Variants in ANO2 observed in about 807,000 individuals in gnomAD.
ANO2 encodes the protein anoctamin 2.
A neutral mutation model predicts 124.2 loss-of-function variants in ANO2; 101 were observed. The ratio of observed to expected loss-of-function variants is 0.81; its 90% CI spans 0.69 to 0.96. The LOEUF is 0.96. Among genes scored for constraint, ANO2 ranks in the 40% least tolerant of loss-of-function variants. The pLI is 0.00. For missense variants in ANO2, 1,293 were observed against 1,274.5 expected, an observed-to-expected ratio of 1.01 and a Z score of -0.22; for synonymous variants, 486 against 482.5, an observed-to-expected ratio of 1.01 and a Z score of -0.09.
rs144809132 is a variant in ANO2 at position 5,776,230 on chromosome 12, A to C, written c.1055+23277T>G. On this transcript the variant is annotated intron_variant, in intron 10 of 24. Transcript: ENST00000682330. Reference sequence around the variant, plus strand: ...ACTTTGTGCACACCCTATCCCATGCAATCTTCCCAACCACTCTTTGTAAAA... The same window carrying C: ...ACTTTGTGCACACCCTATCCCATGCCATCTTCCCAACCACTCTTTGTAAAA... Among the ~76,000 whole-genome samples, 8 of 152,318 alleles carry C rather than the reference A, an allele frequency of 5.3e-5. No homozygotes were observed. The East Asian group carries it at 1.5e-3, about 29-fold the overall frequency.
At position 5,599,549 on chromosome 12, in the gene ANO2, T is replaced by C. The variant is rs767679275; in HGVS notation, c.2168A>G (p.Glu723Gly). The C allele has an allele frequency of 4.3e-6, 7 of 1,613,828 alleles. No homozygotes were observed. The highest frequency in any genetic ancestry group is 5.9e-6 in the Non-Finnish European group (7 of 1,179,868). The change falls in exon 20 of 25, where the codon GAG becomes GGG. Residue 723 changes from glutamate (E) to glycine (G), a missense_variant. Coordinates refer to ENST00000682330, the MANE Select transcript of ANO2 (RefSeq NM_001364791.2). ...ETDSAHSKHP[E>G]QWDLDYSLEP... Reference sequence around the variant, plus strand: ...CAAGCTGTAGTCTAGGTCCCACTGCTCTGGATGTTTCGAATGGGCAGAGTC... The same window carrying C: ...CAAGCTGTAGTCTAGGTCCCACTGCCCTGGATGTTTCGAATGGGCAGAGTC...
chr12:5,747,577 T>G (rs1951305437), intron 11 of ANO2, among the ~76,000 whole-genome samples: 1 of 152,168 alleles, frequency 6.6e-6, no homozygotes, highest in African/African-American at 2.4e-5. Flanking sequence ...ATCCAAAACC[T>G]CAATTTTGTA....
chr12:5,800,140 A>C (rs767810537), intron 9 of ANO2, among the ~76,000 whole-genome samples: 8 of 152,168 alleles, frequency 5.3e-5, no homozygotes, highest in Non-Finnish European at 1.0e-4. Flanking sequence ...GCTGAGACAC[A>C]AAGGAAGGGG....
intron 7 of ANO2, among the ~76,000 whole-genome samples, chr12:5,814,855 C>A (rs901050374): frequency 2.0e-5 from 3 of 152,212 alleles, no homozygotes; most frequent in Non-Finnish European, 2.9e-5. Context: ...GTCAAGAAAC[C>A]TAAGTTCTAA....
At chr12:5,841,400 A>G (rs538746367) in intron 4 of ANO2, among the ~76,000 whole-genome samples, 282 of 152,292 alleles carry the variant, frequency 1.9e-3, no homozygotes, top group African/African-American at 6.6e-3. Context: ...CACTTACACA[A>G]TGCACATTCT....
chr12:5,601,724 G>A (rs1056211401), intron 19 of ANO2, among the ~76,000 whole-genome samples: 1 of 152,202 alleles, frequency 6.6e-6, no homozygotes, highest in African/African-American at 2.4e-5. Context: ...ATCCACTTCT[G>A]AAATGCCACT....
chr12:5,609,997 ATATAAG>A (rs1159922440), intron 19 of ANO2, among the ~76,000 whole-genome samples: 3 of 141,426 alleles, frequency 2.1e-5, no homozygotes, highest in African/African-American at 5.2e-5. Flanking sequence ...ATATATTTAT[ATATAAG>A]TATATTTATC....
intron 7 of ANO2, among the ~76,000 whole-genome samples, chr12:5,827,460 G>C (rs1040400406): frequency 2.0e-5 from 3 of 152,174 alleles, no homozygotes; most frequent in African/African-American, 7.2e-5. Flanking sequence ...GAAAAACAGA[G>C]GAGCCGCAGA....
intron 9 of ANO2, among the ~76,000 whole-genome samples, chr12:5,803,506 T>C (rs1449620696): frequency 6.6e-6 from 1 of 152,042 alleles, no homozygotes; most frequent in African/African-American, 2.4e-5. Flanking sequence ...AAGTTCTACT[T>C]TGGGTTCTCC....
chr12:5,688,152 C>T (rs1418635331), intron 14 of ANO2, among the ~76,000 whole-genome samples: 3 of 152,204 alleles, frequency 2.0e-5, no homozygotes, highest in African/African-American at 7.2e-5. Flanking sequence ...GAAACAACAA[C>T]TGTGATGGAA....
At chr12:5,706,992 A>T (rs534319823) in intron 14 of ANO2, among the ~76,000 whole-genome samples, 1 of 151,954 alleles carries the variant, frequency 6.6e-6, no homozygotes, top group Non-Finnish European at 1.5e-5. Context: ...CAATGACATC[A>T]CTCTGAATCT....
Position 5,705,024 on chromosome 12 carries a change from G to A in ANO2, c.1545+27496C>T, listed in dbSNP as rs376054984. Among the ~76,000 whole-genome samples, 7 of 152,162 alleles carry A rather than the reference G, an allele frequency of 4.6e-5. No individual in the cohort carries two copies. The South Asian group carries it at 6.2e-4, about 14-fold the overall frequency. ...TCACTAACAGATTGTACATTATTAT[G>A]GTTTATCTATATAGTTGGAATCCAA... On this transcript the variant is annotated intron_variant, in intron 14 of 24. Transcript: ENST00000682330.
chr12:5,656,837 C>G (rs957918967), intron 14 of ANO2, among the ~76,000 whole-genome samples: 11 of 152,374 alleles, frequency 7.2e-5, no homozygotes, highest in Non-Finnish European at 1.5e-4. Flanking sequence ...GGCCTAGACA[C>G]TATTAGAATT....
chr12:5,608,563 A>G (rs886091227), intron 19 of ANO2, among the ~76,000 whole-genome samples: 5 of 152,118 alleles, frequency 3.3e-5, no homozygotes, highest in Admixed American at 1.3e-4. Context: ...GACACCTTAC[A>G]TATGATTTTA....
intron 2 of ANO2, 31 bp downstream of exon 2, chr12:5,922,589 T>TGCCCCC (rs1941758858): frequency 5.0e-5 from 72 of 1,449,912 alleles, no homozygotes; most frequent in East Asian, 8.2e-5. Context: ...GGCTGGCCTA[T>TGCCCCC]CCCCCCACCC....
chr12:5,842,364 T>A (rs1954539482), intron 4 of ANO2, among the ~76,000 whole-genome samples: 1 of 152,112 alleles, frequency 6.6e-6, no homozygotes, highest in South Asian at 2.1e-4. Flanking sequence ...TTCCACAGGA[T>A]CTCTTACACA....
At chr12:5,819,886 A>T (rs1325671447) in intron 7 of ANO2, among the ~76,000 whole-genome samples, 2 of 152,200 alleles carry the variant, frequency 1.3e-5, no homozygotes, top group Non-Finnish European at 2.9e-5. Context: ...AGGTGGGTGT[A>T]CCTACTGTAA....
chr12:5,599,834 C>T (rs1759046235), intron 19 of ANO2, among the ~76,000 whole-genome samples: 1 of 152,212 alleles, frequency 6.6e-6, no homozygotes, highest in Admixed American at 6.5e-5. Context: ...TGCAGACTCC[C>T]TCCACAAAGG....
At chr12:5,749,217 A>G (rs1951367111) in intron 11 of ANO2, among the ~76,000 whole-genome samples, 1 of 152,166 alleles carries the variant, frequency 6.6e-6, no homozygotes, top group Non-Finnish European at 1.5e-5. Flanking sequence ...TTTCTTCAGA[A>G]TGGCCACTAC....
Sources: allele counts gnomAD v4.1 joint callset (sites outside exome capture counted in the v4.1 genomes callset), GRCh38; gene constraint gnomAD v4.1.1; transcripts MANE v1.5; gene names NCBI Gene and HGNC (gene_info 2026-07-23, HGNC 2026-07-21).